The following SHROOM3 variants were observed in gnomAD, a reference collection of about 807,000 sequenced individuals.
SHROOM3 encodes the protein protein Shroom3.
A neutral mutation model predicts 138.6 loss-of-function variants in SHROOM3; 47 were observed. That is an observed-to-expected ratio of 0.34 (90% CI 0.27 to 0.43). The LOEUF is 0.43. SHROOM3 is among the 20% of genes least tolerant of loss of function. SHROOM3 has a pLI of 1.00. For synonymous variants in SHROOM3, 1,062 were observed against 1,063.3 expected, an observed-to-expected ratio of 1.00 and a Z score of 0.02; for missense variants, 2,491 against 2,596.5, an observed-to-expected ratio of 0.96 and a Z score of 0.88.
intron 8 of SHROOM3, among the ~76,000 whole-genome samples, chr4:76,758,998 G>A (rs1048675568): frequency 6.6e-6 from 1 of 152,006 alleles, no homozygotes; most frequent in Non-Finnish European, 1.5e-5. Context: ...AGTTCACTGC[G>A]GACCAGCAAA....
rs566438819 is a variant in SHROOM3, at chr4:76,435,465, G to C, written c.-588G>C. On this transcript the variant is annotated 5_prime_UTR_variant, in exon 1 of 11. Coordinates refer to ENST00000296043, the MANE Select transcript of SHROOM3 (RefSeq NM_020859.4). The stretch of plus-strand genomic sequence containing the variant: ...TAAAAAGTTTTAGCACAGCTTCTCT[G>C]TCTCTTCGGGACAAGTTAGAAAATT... 9.9e-5 allele frequency: 15 copies of C among 152,238 alleles called. No individual in the cohort carries two copies. Among genetic ancestry groups the C allele is most frequent in the African/African-American group, 2.6e-4 (11 of 41,544 alleles). 9.4% of individuals were successfully genotyped at this position (152,238 alleles called of 1,614,324 possible).
At chr4:76,566,828 C>T (rs1307069998) in intron 2 of SHROOM3, among the ~76,000 whole-genome samples, 1 of 152,218 alleles carries the variant, frequency 6.6e-6, no homozygotes, top group Non-Finnish European at 1.5e-5. Context: ...GTATTTTTTA[C>T]CACCTGTCTC....
At chr4:76,440,935 A>C (rs1730655182) in intron 1 of SHROOM3, among the ~76,000 whole-genome samples, 1 of 151,532 alleles carries the variant, frequency 6.6e-6, no homozygotes, top group Non-Finnish European at 1.5e-5. Flanking sequence ...CCTTTTTTCT[A>C]TCAATCCAAA....
intron 1 of SHROOM3, among the ~76,000 whole-genome samples, chr4:76,545,184 T>C (rs528397229): frequency 1.9e-4 from 29 of 152,306 alleles, no homozygotes; most frequent in Non-Finnish European, 3.1e-4. Context: ...ACATAAATAT[T>C]GACTACCCAA....
chr4:76,528,042 T>C (rs2110014055), intron 1 of SHROOM3, among the ~76,000 whole-genome samples: 1 of 152,348 alleles, frequency 6.6e-6, no homozygotes, highest in Admixed American at 6.5e-5. Flanking sequence ...GCACTGATGA[T>C]TAAAATCCTT....
In SHROOM3 at chr4:76,739,510, T is replaced by C. The variant is rs960118361; in HGVS notation, c.1337T>C (p.Val446Ala). 2 of 1,613,946 alleles carry C rather than the reference T, an allele frequency of 1.2e-6. No individual in the cohort carries two copies. Among genetic ancestry groups the C allele is most frequent in the South Asian group, 2.2e-5 (2 of 91,084 alleles). The change falls in exon 5 of 11, where the codon GTG (valine) becomes GCG (alanine). Residue 446 changes from valine to alanine, a missense_variant. Physicochemically the swap from Val to Ala is moderately conservative, Grantham distance 64 (BLOSUM62 0). Transcript: ENST00000296043. ...LEKSPENSPP[V>A]KPKHNYTQKA... ...AAGAGTCCAGAGAACAGCCCCCCAG[T>C]GAAGCCCAAGCATAACTATACCCAG...
intron 2 of SHROOM3, among the ~76,000 whole-genome samples, chr4:76,582,775 C>T (rs769849770): frequency 6.6e-6 from 1 of 152,172 alleles, no homozygotes; most frequent in Non-Finnish European, 1.5e-5. Context: ...GAGGCCTCCT[C>T]CAAGGATGAG....
At chr4:76,643,907 C>G (rs189109320) in intron 2 of SHROOM3, among the ~76,000 whole-genome samples, 1 of 148,340 alleles carries the variant, frequency 6.7e-6, no homozygotes, top group African/African-American at 2.5e-5. Flanking sequence ...CGTAATGGCA[C>G]GTTCTCAGCT....
rs192828607 is a variant in SHROOM3 at position 76,570,507 on chromosome 4, T to C, written c.323+14744T>C. ...TTTGCCATTCCTCGTCACCTTTCCA[T>C]CACTGTCTCAAAGTCAGGGGCAGAG... On this transcript the variant is annotated intron_variant, in intron 2 of 10. Coordinates refer to ENST00000296043, the MANE Select transcript of SHROOM3 (RefSeq NM_020859.4). 4.6e-5 allele frequency among the ~76,000 whole-genome samples: 7 copies of C among 152,274 alleles called. 1 individual carries two copies. The highest frequency in any genetic ancestry group is 2.6e-4 in the Admixed American group (4 of 15,290).
At chr4:76,449,855 T>A (rs1367119181) in intron 1 of SHROOM3, among the ~76,000 whole-genome samples, 1 of 152,240 alleles carries the variant, frequency 6.6e-6, no homozygotes, top group African/African-American at 2.4e-5. Context: ...CTTCTTTTAG[T>A]TAAAGCATTT....
At position 76,731,522 on chromosome 4, in the gene SHROOM3, T is replaced by A. The variant is rs1720883067; in HGVS notation, c.587+587T>A. ...GCGGCTGGGTGCAGTGGCTTATGCCTGTAATCCCAGCACTTTGGGAGGCCA... is the reference window on the plus strand; with the variant it reads ...GCGGCTGGGTGCAGTGGCTTATGCCAGTAATCCCAGCACTTTGGGAGGCCA... On this transcript the variant is annotated intron_variant, in intron 4 of 10. Transcript: ENST00000296043. 2.6e-5 allele frequency among the ~76,000 whole-genome samples: 4 copies of A among 152,294 alleles called. No homozygotes were observed. The South Asian group carries it at 8.3e-4, about 32-fold the overall frequency.
intron 2 of SHROOM3, among the ~76,000 whole-genome samples, chr4:76,662,608 C>A (rs1365710042): frequency 2.0e-5 from 3 of 152,200 alleles, no homozygotes; most frequent in Non-Finnish European, 4.4e-5. Flanking sequence ...GGACAGGAAT[C>A]TTGGGACATC....
At chr4:76,718,438 T>C (rs913893182) in intron 3 of SHROOM3, among the ~76,000 whole-genome samples, 2 of 152,248 alleles carry the variant, frequency 1.3e-5, no homozygotes, top group South Asian at 2.1e-4. Context: ...CTATTCTTTT[T>C]ATTTCAGTTC....
intron 1 of SHROOM3, among the ~76,000 whole-genome samples, chr4:76,466,595 T>C (rs933337574): frequency 3.3e-5 from 5 of 152,230 alleles, no homozygotes; most frequent in Admixed American, 6.5e-5. Context: ...GGGGCCCTGC[T>C]GTTTTCTGGA....
intron 4 of SHROOM3, among the ~76,000 whole-genome samples, chr4:76,733,360 C>T (rs1480014554): frequency 6.6e-6 from 1 of 152,164 alleles, no homozygotes; most frequent in Non-Finnish European, 1.5e-5. Context: ...GCTGTATCTA[C>T]CACTCTGTCT....
chr4:76,722,474 G>A (rs1720580419), intron 3 of SHROOM3, among the ~76,000 whole-genome samples: 1 of 152,106 alleles, frequency 6.6e-6, no homozygotes, highest in Admixed American at 6.5e-5. Context: ...TGGACATATG[G>A]AAGGGAACAA....
intron 10 of SHROOM3, among the ~76,000 whole-genome samples, chr4:76,775,110 C>G (rs1016057969): frequency 6.6e-6 from 1 of 152,074 alleles, no homozygotes; most frequent in Non-Finnish European, 1.5e-5. Context: ...CACCCACCTC[C>G]CACCCTTCCC....
intron 1 of SHROOM3, among the ~76,000 whole-genome samples, chr4:76,478,313 A>G (rs10212678): frequency 0.048 from 7,351 of 152,256 alleles, 207 homozygotes; most frequent in Middle Eastern, 0.075. Flanking sequence ...CGCCATTACC[A>G]AGGCTTGAGT....
intron 2 of SHROOM3, among the ~76,000 whole-genome samples, chr4:76,600,050 G>A (rs564917003): frequency 6.6e-6 from 1 of 152,282 alleles, no homozygotes; most frequent in African/African-American, 2.4e-5. Context: ...TACTCAGGAG[G>A]CTGAGGTGGG....
Sources: gnomAD v4.1 joint callset for allele counts (sites outside exome capture counted in the v4.1 genomes callset) on GRCh38, gnomAD v4.1.1 for gene constraint, MANE v1.5 for transcripts, NCBI Gene and HGNC (gene_info 2026-07-23, HGNC 2026-07-21) for gene names.